GPR158: variants seen among roughly 807,000 people sequenced by gnomAD.
GPR158 encodes metabotropic glycine receptor.
Under a neutral mutation model 78.2 loss-of-function variants are expected in GPR158, and 30 were observed. The observed-to-expected ratio is 0.38, with a 90% CI of 0.29 to 0.52. The LOEUF is 0.52. GPR158 is among the 20% of genes least tolerant of loss of function. The pLI is 0.83. For missense variants in GPR158, 1,463 were observed against 1,523.5 expected (o/e 0.96, Z 0.66); for synonymous variants, 581 against 591.1 (o/e 0.98, Z 0.25).
chr10:25,460,826 A>G (rs1213219959), intron 4 of GPR158, among the ~76,000 whole-genome samples: 1 of 152,196 alleles, frequency 6.6e-6, no homozygotes, highest in Non-Finnish European at 1.5e-5. Context: ...GAGAAAATCT[A>G]TCATAGCCAT....
intron 2 of GPR158, among the ~76,000 whole-genome samples, chr10:25,250,890 T>C (rs1044869452): frequency 6.6e-6 from 1 of 151,744 alleles, no homozygotes; most frequent in Admixed American, 6.6e-5. Context: ...GTCTCGTTGA[T>C]CTGTCTAATG....
intron 5 of GPR158, among the ~76,000 whole-genome samples, chr10:25,547,280 G>A (rs16926075): frequency 0.022 from 3,290 of 152,186 alleles, 112 homozygotes; most frequent in African/African-American, 0.075. Context: ...CCTCAACTCA[G>A]AGAGCTTTAA....
intron 2 of GPR158, among the ~76,000 whole-genome samples, chr10:25,358,131 A>G (rs1588821865): frequency 1.3e-5 from 2 of 151,950 alleles, no homozygotes; most frequent in African/African-American, 2.4e-5. Context: ...AATGTCTCCC[A>G]TTTACTATAG....
chr10:25,281,771 G>A (rs1854278274), intron 2 of GPR158, among the ~76,000 whole-genome samples: 1 of 151,968 alleles, frequency 6.6e-6, no homozygotes, highest in Non-Finnish European at 1.5e-5. Context: ...ATAGTAAAGA[G>A]CAGAATTAGT....
chr10:25,592,950 A>C (rs1837361220), intron 8 of GPR158, among the ~76,000 whole-genome samples: 1 of 150,950 alleles, frequency 6.6e-6, no homozygotes, highest in Non-Finnish European at 1.5e-5. Flanking sequence ...AGACTGCGTC[A>C]AAAGTCTGTT....
At chr10:25,493,340 T>G (rs1410333440) in intron 5 of GPR158, among the ~76,000 whole-genome samples, 1 of 152,166 alleles carries the variant, frequency 6.6e-6, no homozygotes, top group Admixed American at 6.6e-5. Context: ...GTCATTCTAT[T>G]CCAGCCAAGT....
At chr10:25,277,737 A>G (rs1309434508) in intron 2 of GPR158, among the ~76,000 whole-genome samples, 1 of 152,094 alleles carries the variant, frequency 6.6e-6, no homozygotes, top group Non-Finnish European at 1.5e-5. Flanking sequence ...AAGGGGTAGC[A>G]CTCTTCAGAG....
At chr10:25,369,137 T>G (rs1222932956) in intron 2 of GPR158, among the ~76,000 whole-genome samples, 1 of 151,786 alleles carries the variant, frequency 6.6e-6, no homozygotes, top group Non-Finnish European at 1.5e-5. Flanking sequence ...TCTTCCTCTT[T>G]TCCTAATTGA....
intron 2 of GPR158, among the ~76,000 whole-genome samples, chr10:25,304,571 AAT>A (rs953250954): frequency 2.0e-5 from 3 of 151,926 alleles, no homozygotes; most frequent in Non-Finnish European, 4.4e-5. Context: ...TTTTATATAT[AAT>A]ATATATATGT....
intron 7 of GPR158, among the ~76,000 whole-genome samples, chr10:25,582,685 T>C (rs1837219075): frequency 6.6e-6 from 1 of 152,188 alleles, no homozygotes; most frequent in African/African-American, 2.4e-5. Context: ...AAGCTTGACA[T>C]CTCAGCATTC....
chr10:25,335,736 T>C (rs539209537), intron 2 of GPR158, among the ~76,000 whole-genome samples: 1 of 152,208 alleles, frequency 6.6e-6, no homozygotes, highest in Non-Finnish European at 1.5e-5. Context: ...AGTTGTTTCG[T>C]ATTTGTTTCT....
At chr10:25,402,866 C>A (rs911137910) in intron 3 of GPR158, among the ~76,000 whole-genome samples, 3 of 151,722 alleles carry the variant, frequency 2.0e-5, no homozygotes, top group Non-Finnish European at 4.4e-5. Context: ...AGCTAAAATT[C>A]ACTTACCAAA....
rs984351804 is a variant in GPR158 at position 25,496,170 on chromosome 10, T to C, written c.1404+29451T>C. Among the ~76,000 whole-genome samples the C allele has an allele frequency of 2.0e-5, 3 of 152,196 alleles. No individual in the cohort carries two copies. The South Asian group carries it at 6.2e-4, about 31-fold the overall frequency. On this transcript the variant is annotated intron_variant, in intron 5 of 10. Transcript: ENST00000376351. ...ACACTTGTCCCCGCTCCCCCAACCA[T>C]GTGAACATCCTTTTGATTACTGGGC...
intron 2 of GPR158, among the ~76,000 whole-genome samples, chr10:25,225,200 TA>T (rs1162477329): frequency 1.3e-5 from 2 of 150,986 alleles, no homozygotes; most frequent in Non-Finnish European, 3.0e-5. Flanking sequence ...TTTTTTTTTG[TA>T]TAAAGCAATG....
intron 3 of GPR158, among the ~76,000 whole-genome samples, chr10:25,404,613 T>TC (rs1834488367): frequency 1.3e-5 from 2 of 152,244 alleles, no homozygotes; most frequent in African/African-American, 4.8e-5. Flanking sequence ...ATAGGCTTTT[T>TC]CTATGTCCTG....
intron 2 of GPR158, among the ~76,000 whole-genome samples, chr10:25,318,645 G>A (rs1214943561): frequency 6.6e-6 from 1 of 152,038 alleles, no homozygotes; most frequent in Admixed American, 6.6e-5. Context: ...TACTGCAAGT[G>A]TGTTTTGTAT....
At chr10:25,545,691 C>T (rs140886569) in intron 5 of GPR158, among the ~76,000 whole-genome samples, 185 of 152,218 alleles carry the variant, frequency 1.2e-3, no homozygotes, top group Non-Finnish European at 1.9e-3. Flanking sequence ...GATCCGAATT[C>T]GATGTCCCAT....
chr10:25,404,424 T>C (rs1834485792), intron 3 of GPR158, among the ~76,000 whole-genome samples: 1 of 152,166 alleles, frequency 6.6e-6, no homozygotes. Flanking sequence ...CATAATTTAT[T>C]TTCCAACAAG....
chr10:25,499,230 A>G (rs1055491512), intron 5 of GPR158, among the ~76,000 whole-genome samples: 4 of 152,226 alleles, frequency 2.6e-5, no homozygotes, highest in African/African-American at 7.2e-5. Context: ...TAACATCGCA[A>G]TTTCCAGAGT....
Sources: allele counts gnomAD v4.1 joint callset (sites outside exome capture counted in the v4.1 genomes callset), GRCh38; gene constraint gnomAD v4.1.1; transcripts MANE v1.5; gene names NCBI Gene and HGNC (gene_info 2026-07-23, HGNC 2026-07-21).